KCNJ12: variants seen among roughly 807,000 people sequenced by gnomAD.
The protein encoded by KCNJ12 is ATP-sensitive inward rectifier potassium channel 12.
A neutral mutation model predicts 22.3 loss-of-function variants in KCNJ12; 2 were observed. The observed-to-expected ratio is 0.09, with a 90% confidence interval of 0.04 to 0.28. The LOEUF (loss-of-function observed/expected upper bound fraction) is 0.28. KCNJ12 is among the 10% of genes least tolerant of loss of function. The pLI is 1.00. For synonymous variants in KCNJ12, 117 were observed against 261.4 expected, an observed-to-expected ratio of 0.45 and a Z score of 5.33; for missense variants, 155 against 633.3, an observed-to-expected ratio of 0.24 and a Z score of 8.11.
intron 1 of KCNJ12, among the ~76,000 whole-genome samples, chr17:21,397,129 C>G (rs1016184706): frequency 6.6e-6 from 1 of 152,230 alleles, no homozygotes; most frequent in African/African-American, 2.4e-5. Flanking sequence ...TGGGCTTGTT[C>G]CCCAGCTCTG....
Position 21,407,030 on chromosome 17 carries a change from C to A in KCNJ12, c.-178-1489C>A, listed in dbSNP as rs797032568. On this transcript the variant is annotated intron_variant, in intron 1 of 2. Transcript: ENST00000583088. ...ATGTAGGATGTATGTGTACCCAAGG[C>A]AAATCTCTGGCAAATTACTGATGTG... 1.6e-4 allele frequency among the ~76,000 whole-genome samples: 25 copies of A among 152,402 alleles called. No homozygotes were observed. The East Asian group carries it at 3.9e-3, about 23-fold the overall frequency.
intron 1 of KCNJ12, among the ~76,000 whole-genome samples, chr17:21,389,083 C>T (rs1905144954): frequency 6.6e-6 from 1 of 152,188 alleles, no homozygotes; most frequent in South Asian, 2.1e-4. Flanking sequence ...CCAAATTTAC[C>T]CCATTTAAAC....
intron 1 of KCNJ12, among the ~76,000 whole-genome samples, chr17:21,388,214 C>G (rs1384138891): frequency 3.9e-5 from 6 of 152,222 alleles, no homozygotes; most frequent in Non-Finnish European, 8.8e-5. Context: ...GCCCTGGCCA[C>G]ATGCCAGCCC....
At chr17:21,378,468 T>C (rs781828213) in intron 1 of KCNJ12, among the ~76,000 whole-genome samples, 7 of 152,070 alleles carry the variant, frequency 4.6e-5, no homozygotes, top group African/African-American at 7.2e-5. Flanking sequence ...GGTTGGCAGC[T>C]CTAGGAGGGG....
chr17:21,393,896 T>A (rs1027216634), intron 1 of KCNJ12, among the ~76,000 whole-genome samples: 2 of 152,204 alleles, frequency 1.3e-5, no homozygotes, highest in Admixed American at 6.5e-5. Context: ...CCATGGAGTG[T>A]GTGGCCTGTC....
At chr17:21,384,031 C>T (rs1216707144) in intron 1 of KCNJ12, among the ~76,000 whole-genome samples, 1 of 152,054 alleles carries the variant, frequency 6.6e-6, no homozygotes, top group Non-Finnish European at 1.5e-5. Context: ...AGTTTCTTGT[C>T]CTTGGGGTGA....
chr17:21,416,632 G>C lies in KCNJ12; in HGVS notation c.1290G>C (p.Glu430Asp). 1.9e-6 allele frequency: 3 copies of C among 1,606,354 alleles called. No individual in the cohort carries two copies. Among genetic ancestry groups the C allele is most frequent in the Admixed American group, 1.7e-5 (1 of 59,560 alleles). Residue 430 changes from glutamate to aspartate, a missense_variant, in exon 3 of 3, where the codon GAG (glutamate) becomes GAC (aspartate). Coordinates refer to ENST00000583088, the MANE Select transcript of KCNJ12 (RefSeq NM_021012.5). Reference protein sequence around the residue: ...GVLEQRPYRRESEI With the variant: ...GVLEQRPYRRDSEI Reference sequence around the variant, plus strand: ...TGGAGCAGCGGCCCTACAGACGGGAGTCAGAGATCTGAGCCAACCTTGGCC... The same window carrying C: ...TGGAGCAGCGGCCCTACAGACGGGACTCAGAGATCTGAGCCAACCTTGGCC...
intron 1 of KCNJ12, among the ~76,000 whole-genome samples, chr17:21,388,616 AAG>A (rs1283043628): frequency 6.6e-6 from 1 of 152,128 alleles, no homozygotes; most frequent in Non-Finnish European, 1.5e-5. Context: ...ATTTCTCAGG[AAG>A]TAGTGTGACG....
At chr17:21,388,666 A>C (rs1380946858) in intron 1 of KCNJ12, among the ~76,000 whole-genome samples, 2 of 152,118 alleles carry the variant, frequency 1.3e-5, no homozygotes, top group African/African-American at 2.4e-5. Flanking sequence ...AATAATGAAA[A>C]CGACTGCTTA....
chr17:21,394,654 A>G (rs1324338723), intron 1 of KCNJ12, among the ~76,000 whole-genome samples: 1 of 152,170 alleles, frequency 6.6e-6, no homozygotes, highest in Non-Finnish European at 1.5e-5. Flanking sequence ...GAGAGGAATT[A>G]GGACTGGAGG....
intron 1 of KCNJ12, among the ~76,000 whole-genome samples, chr17:21,404,772 C>A (rs1327796525): frequency 2.0e-5 from 3 of 152,378 alleles, no homozygotes; most frequent in East Asian, 3.9e-4. Flanking sequence ...CCTGCCCCCA[C>A]CCTCTGTGAA....
At chr17:21,410,260 C>A (rs1228820931) in intron 2 of KCNJ12, among the ~76,000 whole-genome samples, 2 of 152,242 alleles carry the variant, frequency 1.3e-5, no homozygotes, top group Non-Finnish European at 2.9e-5. Flanking sequence ...GCCTCTCACA[C>A]CCTATGTGAC....
intron 1 of KCNJ12, among the ~76,000 whole-genome samples, chr17:21,390,519 G>A (rs1308270227): frequency 6.6e-6 from 1 of 152,244 alleles, no homozygotes; most frequent in East Asian, 1.9e-4. Context: ...CGGGGCCGGT[G>A]GCCAGAGGTG....
At chr17:21,391,592 T>TTCCTCCTCCTCC (rs1555559319) in intron 1 of KCNJ12, among the ~76,000 whole-genome samples, 1 of 152,208 alleles carries the variant, frequency 6.6e-6, no homozygotes, top group Non-Finnish European at 1.5e-5. Context: ...CCCAGCCCTC[T>TTCCTCCTCCTCC]TCCTCCTCCT....
chr17:21,401,274 G>A (rs1429471253), intron 1 of KCNJ12, among the ~76,000 whole-genome samples: 2 of 152,246 alleles, frequency 1.3e-5, no homozygotes, highest in Non-Finnish European at 2.9e-5. Flanking sequence ...GGGAGAAGTG[G>A]TCGGGGTTGG....
chr17:21,386,189 G>A (rs902329755), intron 1 of KCNJ12, among the ~76,000 whole-genome samples: 7 of 152,226 alleles, frequency 4.6e-5, no homozygotes, highest in Non-Finnish European at 8.8e-5. Context: ...GGTTCCTCGC[G>A]GAGCCTCTGA....
At chr17:21,409,451 C>T (rs1906192348) in intron 2 of KCNJ12, among the ~76,000 whole-genome samples, 1 of 152,300 alleles carries the variant, frequency 6.6e-6, no homozygotes, top group Non-Finnish European at 1.5e-5. Flanking sequence ...GGAGGTGATC[C>T]CAGGAAATAA....
At chr17:21,384,903 G>A (rs537395874) in intron 1 of KCNJ12, among the ~76,000 whole-genome samples, 1 of 151,850 alleles carries the variant, frequency 6.6e-6, no homozygotes, top group African/African-American at 2.4e-5. Context: ...CTCCCGAGTA[G>A]CTGGGACTAT....
At position 21,416,688 on chromosome 17, in the gene KCNJ12, A is replaced by T; in HGVS notation, c.*44A>T. The T allele has an allele frequency of 6.5e-7, 1 of 1,526,804 alleles. No homozygotes were observed. The highest frequency in any genetic ancestry group is 2.4e-5 in the East Asian group (1 of 41,468). 94.6% of individuals were successfully genotyped at this position (1,526,804 alleles called of 1,614,324 possible). A position where few individuals can be genotyped will look rare whatever the true frequency, so the allele number is the denominator to read the frequency against. ...GCAGCATCCACCCCCGGCTGGGGAG[A>T]GGCCCCGCGGTCGCTCAGGGGCCCC... On this transcript the variant is annotated 3_prime_UTR_variant, in exon 3 of 3. Coordinates refer to ENST00000583088, the MANE Select transcript of KCNJ12 (RefSeq NM_021012.5).
Sources: gnomAD v4.1 joint callset for allele counts (sites outside exome capture counted in the v4.1 genomes callset) on GRCh38, gnomAD v4.1.1 for gene constraint, MANE v1.5 for transcripts, NCBI Gene and HGNC (gene_info 2026-07-23, HGNC 2026-07-21) for gene names.